Variants in QTMAN observed in about 807,000 individuals in gnomAD.
QTMAN encodes queuosine-tRNA mannosyltransferase.
chr2:144,053,561 G>A, the QTMAN span, among the ~76,000 whole-genome samples: 1 of 152,132 alleles, frequency 6.6e-6, no homozygotes, highest in Non-Finnish European at 1.5e-5. Flanking sequence ...AAGCATCAGT[G>A]AGTTTATCAA....
chr2:144,064,192 A>T, the QTMAN span, among the ~76,000 whole-genome samples: 3 of 152,240 alleles, frequency 2.0e-5, no homozygotes, highest in Non-Finnish European at 4.4e-5. Flanking sequence ...AAATAAAAAC[A>T]GACACATTTT....
the QTMAN span, among the ~76,000 whole-genome samples, chr2:144,079,481 G>A: frequency 6.6e-6 from 1 of 152,076 alleles, no homozygotes; most frequent in African/African-American, 2.4e-5. Context: ...GCAAGAATGA[G>A]ACAGCATTTC....
the QTMAN span, among the ~76,000 whole-genome samples, chr2:144,292,796 A>G: frequency 6.6e-6 from 1 of 152,218 alleles, no homozygotes; most frequent in East Asian, 1.9e-4. Context: ...TTTATGTCTG[A>G]TTTATGGGGA....
chr2:144,123,457 G>A, the QTMAN span, among the ~76,000 whole-genome samples: 2 of 152,026 alleles, frequency 1.3e-5, no homozygotes, highest in African/African-American at 2.4e-5. Context: ...GTAAACTTGA[G>A]TATCTATTCC....
At chr2:144,288,760 T>C in the QTMAN span, among the ~76,000 whole-genome samples, 1 of 152,190 alleles carries the variant, frequency 6.6e-6, no homozygotes, top group South Asian at 2.1e-4. Flanking sequence ...CTTGGCTATT[T>C]CAATGTTCTA....
the QTMAN span, among the ~76,000 whole-genome samples, chr2:144,034,064 T>C: frequency 1.3e-5 from 2 of 152,224 alleles, no homozygotes; most frequent in Non-Finnish European, 2.9e-5. Flanking sequence ...TGTTCTCTGC[T>C]GTTTGTTCTC....
At chr2:144,047,104 C>G in the QTMAN span, among the ~76,000 whole-genome samples, 1 of 152,194 alleles carries the variant, frequency 6.6e-6, no homozygotes. Context: ...AACCCTATCT[C>G]TACTAAAAAT....
the QTMAN span, among the ~76,000 whole-genome samples, chr2:144,003,962 A>C: frequency 9.9e-5 from 15 of 152,134 alleles, no homozygotes; most frequent in African/African-American, 3.4e-4. Context: ...TTTATGATAG[A>C]GGAGGGTTTT....
At chr2:143,981,761 A>G in the QTMAN span, among the ~76,000 whole-genome samples, 1 of 152,196 alleles carries the variant, frequency 6.6e-6, no homozygotes. Context: ...ATGATTGTGG[A>G]CAAGGGTGAA....
chr2:144,045,468 C>A, the QTMAN span, among the ~76,000 whole-genome samples: 1 of 152,174 alleles, frequency 6.6e-6, no homozygotes, highest in African/African-American at 2.4e-5. Context: ...CATTTAAGTT[C>A]ATGTTCTTTC....
chr2:143,948,110 C>T, the QTMAN span, among the ~76,000 whole-genome samples: 1 of 152,106 alleles, frequency 6.6e-6, no homozygotes, highest in Non-Finnish European at 1.5e-5. Flanking sequence ...AGAGTTTAAG[C>T]TCAAATTAAA....
At chr2:143,999,543 T>A in the QTMAN span, among the ~76,000 whole-genome samples, 2 of 152,070 alleles carry the variant, frequency 1.3e-5, no homozygotes, top group Non-Finnish European at 2.9e-5. Flanking sequence ...CACAATCATG[T>A]ATATAACATA....
At chr2:143,977,352 C>G in the QTMAN span, among the ~76,000 whole-genome samples, 5 of 152,072 alleles carry the variant, frequency 3.3e-5, no homozygotes, top group East Asian at 1.9e-4. Context: ...TAGCATACAC[C>G]CTCCTACACC....
At chr2:144,174,512 C>A in the QTMAN span, among the ~76,000 whole-genome samples, 782 of 152,168 alleles carry the variant, frequency 5.1e-3, 7 homozygotes, top group African/African-American at 0.018. Flanking sequence ...TTGGTTGGAA[C>A]CAGAAGGCTT....
chr2:144,311,455 C>T, the QTMAN span, among the ~76,000 whole-genome samples: 2 of 152,204 alleles, frequency 1.3e-5, no homozygotes, highest in Non-Finnish European at 2.9e-5. Context: ...AAGGAAGACA[C>T]ATTGCGCATC....
chr2:144,033,695 C>T, the QTMAN span, among the ~76,000 whole-genome samples: 1 of 152,170 alleles, frequency 6.6e-6, no homozygotes, highest in South Asian at 2.1e-4. Context: ...ACCCTCTAAT[C>T]ACATGGTTGG....
At chr2:144,311,439 C>T in the QTMAN span, among the ~76,000 whole-genome samples, 1 of 152,114 alleles carries the variant, frequency 6.6e-6, no homozygotes, top group Admixed American at 6.5e-5. Flanking sequence ...CACGCTATAG[C>T]TCATAAAGGA....
At chr2:144,322,821 G>A in the QTMAN span, among the ~76,000 whole-genome samples, 4 of 152,010 alleles carry the variant, frequency 2.6e-5, no homozygotes, top group South Asian at 8.3e-4. Context: ...TGTAACACTG[G>A]TCCCTTTGAA....
At chr2:144,277,850 C>G in the QTMAN span, among the ~76,000 whole-genome samples, 1 of 152,150 alleles carries the variant, frequency 6.6e-6, no homozygotes, top group African/African-American at 2.4e-5. Context: ...ACCACCCACC[C>G]AATCCCATTC....
Sources: allele counts gnomAD v4.1 joint callset (sites outside exome capture counted in the v4.1 genomes callset), GRCh38; gene constraint gnomAD v4.1.1; transcripts MANE v1.5; gene names NCBI Gene and HGNC (gene_info 2026-07-23, HGNC 2026-07-21).